The following KCNQ5 variants were observed in gnomAD, a reference collection of about 807,000 sequenced individuals.
KCNQ5 encodes the protein potassium voltage-gated channel subfamily KQT member 5.
A neutral mutation model predicts 98.2 loss-of-function variants in KCNQ5; 30 were observed. That is an observed-to-expected ratio of 0.31 (90% confidence interval 0.23 to 0.41). The LOEUF is 0.41. Among genes scored for constraint, KCNQ5 ranks in the 10% least tolerant of loss-of-function variants. The probability of loss-of-function intolerance (pLI) is 1.00; values close to 1 mark genes in which losing one functional copy is unlikely to be tolerated. For missense variants in KCNQ5, 835 were observed against 1,182.5 expected (o/e 0.71, Z 4.31); for synonymous variants, 458 against 449.4 (o/e 1.02, Z -0.24).
intron 1 of KCNQ5, among the ~76,000 whole-genome samples, chr6:72,893,561 T>C (rs546133766): frequency 2.6e-5 from 4 of 152,180 alleles, no homozygotes; most frequent in Non-Finnish European, 5.9e-5. Flanking sequence ...CTGGTTAAAC[T>C]AAATATTGTA....
chr6:72,824,424 T>C (rs1378205806), intron 1 of KCNQ5, among the ~76,000 whole-genome samples: 1 of 152,198 alleles, frequency 6.6e-6, no homozygotes, highest in Admixed American at 6.5e-5. Context: ...CATTATGTGT[T>C]CTTTTAAGAA....
intron 1 of KCNQ5, among the ~76,000 whole-genome samples, chr6:72,730,783 G>T (rs1045837192): frequency 1.3e-5 from 2 of 151,602 alleles, no homozygotes; most frequent in East Asian, 3.9e-4. Context: ...TTTCCTGGCT[G>T]CTCTTGTTTG....
At chr6:73,101,879 CA>C in intron 5 of KCNQ5, among the ~76,000 whole-genome samples, 1 of 152,226 alleles carries the variant, frequency 6.6e-6, no homozygotes, top group African/African-American at 2.4e-5. Flanking sequence ...TGACATTCTT[CA>C]CATAAATGGA....
At chr6:73,029,392 A>G (rs1379670267) in intron 2 of KCNQ5, among the ~76,000 whole-genome samples, 2 of 152,068 alleles carry the variant, frequency 1.3e-5, no homozygotes, top group Non-Finnish European at 2.9e-5. Flanking sequence ...TAACTGCTAA[A>G]TATTTGCCAT....
At chr6:72,791,991 A>G (rs551375342) in intron 1 of KCNQ5, among the ~76,000 whole-genome samples, 2 of 152,212 alleles carry the variant, frequency 1.3e-5, no homozygotes, top group Non-Finnish European at 2.9e-5. Flanking sequence ...CAATCAAGCC[A>G]TAGCAGCCAG....
chr6:72,827,589 C>A (rs777481147), intron 1 of KCNQ5, among the ~76,000 whole-genome samples: 1 of 151,604 alleles, frequency 6.6e-6, no homozygotes, highest in Non-Finnish European at 1.5e-5. Flanking sequence ...TGGGTTTTTG[C>A]TGTTGATATG....
chr6:72,830,123 A>G (rs1776182122), intron 1 of KCNQ5, among the ~76,000 whole-genome samples: 1 of 152,212 alleles, frequency 6.6e-6, no homozygotes, highest in Non-Finnish European at 1.5e-5. Context: ...GCTCATGGAT[A>G]GGAAGAATCA....
At chr6:72,798,614 A>G (rs1426561138) in intron 1 of KCNQ5, among the ~76,000 whole-genome samples, 1 of 152,184 alleles carries the variant, frequency 6.6e-6, no homozygotes, top group Non-Finnish European at 1.5e-5. Context: ...TAAATCACCC[A>G]GTCTCAGGTA....
At position 73,013,533 on chromosome 6, in the gene KCNQ5, A is replaced by G. The variant is rs568735818; in HGVS notation, c.489+9535A>G. ...AATGAAAGGGAGCCAGCATTTTTTA[A>G]GTACCCTTCATTTATTAGGCTCATT... is the stretch of plus-strand genomic sequence containing the variant. On this transcript the variant is annotated intron_variant, in intron 2 of 13. Coordinates refer to ENST00000370398, the MANE Select transcript of KCNQ5 (RefSeq NM_019842.4). Among the ~76,000 whole-genome samples the G allele has an allele frequency of 8.5e-5, 13 of 152,258 alleles. No individual in the cohort carries two copies. The South Asian group carries it at 2.7e-3, about 32-fold the overall frequency.
intron 5 of KCNQ5, among the ~76,000 whole-genome samples, chr6:73,089,780 T>TAC (rs1774157193): frequency 1.3e-5 from 2 of 151,534 alleles, no homozygotes; most frequent in South Asian, 4.2e-4. Context: ...ATCATGTATA[T>TAC]ATATATACCA....
intron 1 of KCNQ5, among the ~76,000 whole-genome samples, chr6:72,819,290 T>G (rs1582351200): frequency 6.6e-6 from 1 of 152,254 alleles, no homozygotes. Context: ...GCATTTATCC[T>G]TTGAGTTACA....
intron 1 of KCNQ5, among the ~76,000 whole-genome samples, chr6:72,874,664 C>A (rs1187429146): frequency 1.3e-5 from 2 of 152,062 alleles, no homozygotes; most frequent in African/African-American, 2.4e-5. Context: ...CTGCCATAAA[C>A]CTGGCACTGT....
chr6:72,859,912 G>T (rs1204588583), intron 1 of KCNQ5, among the ~76,000 whole-genome samples: 1 of 151,722 alleles, frequency 6.6e-6, no homozygotes, highest in Admixed American at 6.6e-5. Flanking sequence ...TTAAATACCT[G>T]GTTGTCCTCT....
At chr6:73,052,471 G>T (rs1772288899) in intron 3 of KCNQ5, among the ~76,000 whole-genome samples, 1 of 152,144 alleles carries the variant, frequency 6.6e-6, no homozygotes, top group African/African-American at 2.4e-5. Flanking sequence ...AACAAAAAAT[G>T]TTAACAGCAG....
chr6:73,009,736 T>C (rs999043677), intron 2 of KCNQ5, among the ~76,000 whole-genome samples: 4 of 151,988 alleles, frequency 2.6e-5, no homozygotes, highest in African/African-American at 7.2e-5. Context: ...AATAAGAGAG[T>C]ACTGTGAACA....
intron 1 of KCNQ5, among the ~76,000 whole-genome samples, chr6:72,702,415 A>G (rs745313241): frequency 3.9e-5 from 6 of 152,204 alleles, no homozygotes; most frequent in Non-Finnish European, 5.9e-5. Context: ...AAGGAAATAC[A>G]AGGTTTTTTT....
chr6:73,171,325 T>C (rs978966088), intron 11 of KCNQ5, among the ~76,000 whole-genome samples: 2 of 152,198 alleles, frequency 1.3e-5, no homozygotes, highest in Admixed American at 6.5e-5. Context: ...TCTAGTCTCA[T>C]CATAAGTGTT....
At chr6:72,670,078 G>GTT (rs1314392173) in intron 1 of KCNQ5, among the ~76,000 whole-genome samples, 1 of 152,084 alleles carries the variant, frequency 6.6e-6, no homozygotes, top group Non-Finnish European at 1.5e-5. Context: ...TGAGTGTCCA[G>GTT]TTTTATTGCT....
intron 1 of KCNQ5, among the ~76,000 whole-genome samples, chr6:72,982,962 T>A (rs1370272921): frequency 6.6e-6 from 1 of 152,240 alleles, no homozygotes; most frequent in Non-Finnish European, 1.5e-5. Flanking sequence ...AATTCTGGGT[T>A]GAAAATTCTT....
Sources: allele counts gnomAD v4.1 joint callset (sites outside exome capture counted in the v4.1 genomes callset), GRCh38; gene constraint gnomAD v4.1.1; transcripts MANE v1.5; gene names NCBI Gene and HGNC (gene_info 2026-07-23, HGNC 2026-07-21).